DLGAP1: variants seen among roughly 807,000 people sequenced by gnomAD.
DLGAP1 encodes DLG associated protein 1.
Under a neutral mutation model 90.8 loss-of-function variants are expected in DLGAP1, and 11 were observed. The ratio of observed to expected loss-of-function variants is 0.12; its 90% confidence interval spans 0.08 to 0.20. DLGAP1 has a LOEUF of 0.20. Among genes scored for constraint, DLGAP1 ranks in the 10% least tolerant of loss-of-function variants. The pLI, the probability that DLGAP1 is intolerant of heterozygous loss-of-function variation, is 1.00. For synonymous variants in DLGAP1, 558 were observed against 540.7 expected, an observed-to-expected ratio of 1.03 and a Z score of -0.44; for missense variants, 1,050 against 1,333.8, an observed-to-expected ratio of 0.79 and a Z score of 3.31.
At chr18:3,924,110 T>C (rs1310609873) in intron 3 of DLGAP1, among the ~76,000 whole-genome samples, 1 of 152,190 alleles carries the variant, frequency 6.6e-6, no homozygotes, top group Non-Finnish European at 1.5e-5. Flanking sequence ...AACTATTTCA[T>C]GGAGTGTCAC....
chr18:4,322,195 A>G (rs2080708412), intron 1 of DLGAP1, among the ~76,000 whole-genome samples: 1 of 151,890 alleles, frequency 6.6e-6, no homozygotes, highest in Admixed American at 6.6e-5. Context: ...GCAAGGCTCC[A>G]TCTCAGAAAA....
chr18:3,502,079 T>A, intron 12 of DLGAP1: 1 of 885,160 alleles, frequency 1.1e-6, no homozygotes, highest in Non-Finnish European at 1.4e-6. Flanking sequence ...AGTCAGTTAT[T>A]TTTCAGGGCA....
chr18:3,940,582 G>A (rs1227940013), intron 3 of DLGAP1, among the ~76,000 whole-genome samples: 1 of 152,144 alleles, frequency 6.6e-6, no homozygotes, highest in Non-Finnish European at 1.5e-5. Flanking sequence ...ATTGGAAAAA[G>A]TGTTAAAAGC....
At chr18:4,163,658 A>G (rs1011565439) in intron 1 of DLGAP1, among the ~76,000 whole-genome samples, 2 of 152,208 alleles carry the variant, frequency 1.3e-5, no homozygotes, top group Admixed American at 1.3e-4. Flanking sequence ...ATTAGCTAAG[A>G]CAGTCCATTC....
In DLGAP1 at chr18:3,956,417, T is replaced by TC. The variant is rs576395245; in HGVS notation, c.-73+48698_-73+48699insG. Among the ~76,000 whole-genome samples the TC allele has an allele frequency of 1.4e-3, 206 of 151,752 alleles. 3 individuals carry two copies. The South Asian group carries it at 0.019, about 14-fold the overall frequency. On this transcript the variant is annotated intron_variant, in intron 3 of 12. Coordinates refer to ENST00000315677, the MANE Select transcript of DLGAP1 (RefSeq NM_004746.4). ...CAGGCTGGAGTGCAGTGGCGTGATC[T>TC]GGCTCACTGCAAGCTCCGCCTCCCG...
At chr18:4,253,670 A>G (rs1214250156) in intron 1 of DLGAP1, among the ~76,000 whole-genome samples, 2 of 152,142 alleles carry the variant, frequency 1.3e-5, no homozygotes, top group Non-Finnish European at 2.9e-5. Flanking sequence ...TCATCCTCCC[A>G]AAGTGCTGGG....
chr18:4,316,312 C>T (rs1005026144), intron 1 of DLGAP1, among the ~76,000 whole-genome samples: 3 of 152,184 alleles, frequency 2.0e-5, no homozygotes, highest in African/African-American at 7.2e-5. Flanking sequence ...GAAAACACCA[C>T]AAGTTCTGGT....
chr18:4,346,957 AC>A (rs2143925842), intron 1 of DLGAP1, among the ~76,000 whole-genome samples: 1 of 152,256 alleles, frequency 6.6e-6, no homozygotes, highest in Non-Finnish European at 1.5e-5. Context: ...ACCATTGGTA[AC>A]CTTGATCAGA....
chr18:4,208,332 C>T lies in DLGAP1; in HGVS notation c.-266-57045G>A, dbSNP rs145374710. Reference sequence around the variant, plus strand: ...AGCTCATAAAAGCAAATTTGATACACAATATACTTGAAATACCATAAATTT... The same window carrying T: ...AGCTCATAAAAGCAAATTTGATACATAATATACTTGAAATACCATAAATTT... On this transcript the variant is annotated intron_variant, in intron 1 of 12. Coordinates refer to ENST00000315677, the MANE Select transcript of DLGAP1 (RefSeq NM_004746.4). Among the ~76,000 whole-genome samples the T allele has an allele frequency of 4.7e-3, 719 of 152,232 alleles. 3 individuals are homozygous for T. Among genetic ancestry groups the T allele is most frequent in the African/African-American group, 0.016 (662 of 41,518 alleles).
chr18:3,500,736 A>C (rs903770649), intron 12 of DLGAP1, among the ~76,000 whole-genome samples: 6 of 152,344 alleles, frequency 3.9e-5, no homozygotes, highest in African/African-American at 1.4e-4. Flanking sequence ...CAAGCTAACT[A>C]ATGATTTACT....
chr18:3,848,894 A>G (rs192051121), intron 4 of DLGAP1, among the ~76,000 whole-genome samples: 1 of 152,280 alleles, frequency 6.6e-6, no homozygotes, highest in Non-Finnish European at 1.5e-5. Flanking sequence ...CAAAGTAGAT[A>G]TTAGCTTTCT....
Position 3,565,444 on chromosome 18 carries a change from A to G in DLGAP1, c.2057+2046T>C, listed in dbSNP as rs1404180773. Among the ~76,000 whole-genome samples, 4 of 151,750 alleles carry G rather than the reference A, an allele frequency of 2.6e-5. No homozygotes were observed. Among genetic ancestry groups the G allele is most frequent in the East Asian group, 2.0e-4 (1 of 5,120 alleles). ...GGATTACAGGCGTGAGCCATTGCCC[A>G]TGTCCAGGAATATATTTTCTTTAAT... On this transcript the variant is annotated intron_variant, in intron 9 of 12. Transcript: ENST00000315677. The surrounding 1 kb of genome is among the most constrained non-coding windows in gnomAD (Gnocchi z 4.0).
intron 5 of DLGAP1, among the ~76,000 whole-genome samples, chr18:3,749,810 T>C (rs2063427421): frequency 6.6e-6 from 1 of 152,152 alleles, no homozygotes; most frequent in Admixed American, 6.5e-5. Context: ...TAATCCACAT[T>C]GAGATGAATG....
In DLGAP1 at chr18:4,325,253, T is replaced by C. The variant is rs116813646; in HGVS notation, c.-267+129753A>G. Among the ~76,000 whole-genome samples, 1,491 of 152,256 alleles carry C rather than the reference T, an allele frequency of 9.8e-3. 28 individuals are homozygous for C. The highest frequency in any genetic ancestry group is 0.034 in the African/African-American group (1,425 of 41,564). ...GAGCCAAATCAGGAACACAATCCCA[T>C]TTATAATTGTCACAAAATGAATAAA... On this transcript the variant is annotated intron_variant, in intron 1 of 12. Coordinates refer to ENST00000315677, the MANE Select transcript of DLGAP1 (RefSeq NM_004746.4).
intron 6 of DLGAP1, among the ~76,000 whole-genome samples, chr18:3,741,857 A>C (rs1292389966): frequency 8.5e-6 from 1 of 117,368 alleles, no homozygotes; most frequent in Non-Finnish European, 1.9e-5. Context: ...CTTTTTTTTT[A>C]ACAGAGAAAG....
intron 5 of DLGAP1, among the ~76,000 whole-genome samples, chr18:3,757,168 G>A (rs1435050420): frequency 6.6e-6 from 1 of 152,214 alleles, no homozygotes; most frequent in Non-Finnish European, 1.5e-5. Context: ...CCAGCACTTT[G>A]GGAGGCCAAG....
At chr18:3,638,805 T>C (rs1002373568) in intron 7 of DLGAP1, among the ~76,000 whole-genome samples, 2 of 152,226 alleles carry the variant, frequency 1.3e-5, no homozygotes, top group African/African-American at 4.8e-5. Context: ...ACCATTAGTA[T>C]TTGATTCCTA....
In DLGAP1 at chr18:4,378,597, C is replaced by T. The variant is rs73384983; in HGVS notation, c.-267+76409G>A. Among the ~76,000 whole-genome samples the T allele has an allele frequency of 4.3e-3, 648 of 152,180 alleles. 4 individuals carry two copies. Among genetic ancestry groups the T allele is most frequent in the African/African-American group, 0.015 (609 of 41,530 alleles). On this transcript the variant is annotated intron_variant, in intron 1 of 12. Coordinates refer to ENST00000315677, the MANE Select transcript of DLGAP1 (RefSeq NM_004746.4). The surrounding 1 kb of genome is among the most constrained non-coding windows in gnomAD (Gnocchi z 4.5). ...CAAATAAAATCAAGCTCTTAGAGTG[C>T]TTAAGAATCCATGGTGGGGAGGCAC...
chr18:3,845,614 T>C (rs2068962680), intron 4 of DLGAP1: 2 of 985,290 alleles, frequency 2.0e-6, no homozygotes, highest in East Asian at 1.1e-4. Context: ...TATCTTTCAT[T>C]ATCTCAGTAA....
Sources: allele counts gnomAD v4.1 joint callset (sites outside exome capture counted in the v4.1 genomes callset), GRCh38; gene constraint gnomAD v4.1.1; non-coding constraint Gnocchi (gnomAD v3.1); transcripts MANE v1.5; gene names NCBI Gene and HGNC (gene_info 2026-07-23, HGNC 2026-07-21).